GPR179: variants seen among roughly 807,000 people sequenced by gnomAD.
GPR179 encodes G protein-coupled receptor 179.
GPR179 carries 52 observed loss-of-function variants against 70.8 expected under a neutral mutation model. The ratio of observed to expected loss-of-function variants is 0.73; its 90% CI spans 0.59 to 0.93. GPR179 has a LOEUF of 0.93. Ranked by LOEUF, GPR179 falls within the 40% of genes least tolerant of loss-of-function variation. The probability of loss-of-function intolerance (pLI) is 0.00; values close to 1 mark genes in which losing one functional copy is unlikely to be tolerated. For synonymous variants in GPR179, 1,123 were observed against 1,169.0 expected, an observed-to-expected ratio of 0.96 and a Z score of 0.80; for missense variants, 2,734 against 2,966.8, an observed-to-expected ratio of 0.92 and a Z score of 1.82.
In GPR179 at chr17:38,329,141, T is replaced by C; in HGVS notation, c.4428A>G (p.Ala1476=). 1 of 1,614,086 alleles carries C rather than the reference T, an allele frequency of 6.2e-7. No homozygotes were observed. The highest frequency in any genetic ancestry group is 8.5e-7 in the Non-Finnish European group (1 of 1,180,038). ...CATCCAGCTCCCAGGGACAGATCTC[T>C]GCTTTCTGGATAGCAGGAGCATCTC... ...EAGDAPAIQK[A]EICPWELDDN... is the part of the protein sequence containing the mutation. The change falls in exon 11 of 11, where the codon GCA becomes GCG. Residue 1476 remains alanine (A), a synonymous_variant. Transcript: ENST00000616987.
rs766481251 is a variant in GPR179 at position 38,343,033 on chromosome 17, A to G, written c.757T>C (p.Phe253Leu). ...CTGAGGTCTGGCTTGAGTCCATAGA[A>G]GGTGGCAGAGAGTGTGATCAGCCAT... ...PGWLITLSAT[F>L]YGLKPDLSPE... is the part of the protein sequence containing the mutation. The change falls in exon 1 of 11, where the codon TTC becomes CTC. Residue 253 changes from phenylalanine (F) to leucine (L), a missense_variant. By Grantham distance (22) the Phe-to-Leu change is conservative. Transcript: ENST00000616987. This position sits in a 1 kb window ranked among gnomAD's most constrained non-coding sequence, Gnocchi z 4.2. The G allele has an allele frequency of 4.3e-6, 7 of 1,613,012 alleles. No homozygotes were observed. In the Admixed American group the frequency reaches 1.2e-4, roughly 27 times the overall value.
chr17:38,332,956 A>G (rs967866977), intron 10 of GPR179, among the ~76,000 whole-genome samples: 18 of 152,214 alleles, frequency 1.2e-4, no homozygotes, highest in African/African-American at 4.3e-4. Flanking sequence ...CTGCTGAGTG[A>G]GAGTGGAGGA....
intron 3 of GPR179, 147 bp from the exon 4 acceptor site, chr17:38,337,360 G>C (rs2037414702): frequency 1.7e-6 from 2 of 1,175,142 alleles, no homozygotes; most frequent in African/African-American, 3.1e-5. Context: ...TGCTTCCTTG[G>C]GAGGGCAAAG....
intron 1 of GPR179, among the ~76,000 whole-genome samples, chr17:38,341,472 G>A (rs2144279340): frequency 6.6e-6 from 1 of 152,380 alleles, no homozygotes; most frequent in South Asian, 2.1e-4. Flanking sequence ...ACCTGGCACT[G>A]CCTGGACCAG....
Position 38,326,438 on chromosome 17 carries a change from T to C in GPR179, c.*27A>G. 2.6e-6 allele frequency: 4 copies of C among 1,525,614 alleles called. No homozygotes were observed. Among genetic ancestry groups the C allele is most frequent in the Admixed American group, 1.9e-5 (1 of 51,924 alleles). 94.5% of individuals were successfully genotyped at this position (1,525,614 alleles called of 1,614,324 possible). A position where few individuals can be genotyped will look rare whatever the true frequency, so the allele number is the denominator to read the frequency against. ...GGCCTTGGCTCCTGAAAGCTAGCTC[T>C]GTGTTTGACCTCACCTAATAAGGCT... is the stretch of plus-strand genomic sequence containing the variant. On this transcript the variant is annotated 3_prime_UTR_variant, in exon 11 of 11. Coordinates refer to ENST00000616987, the MANE Select transcript of GPR179 (RefSeq NM_001004334.4).
chr17:38,330,870 G>C lies in GPR179; in HGVS notation c.2699C>G (p.Ser900Ter). 1 of 1,601,236 alleles carries C rather than the reference G, an allele frequency of 6.2e-7. No individual in the cohort carries two copies. ...GCTCTTGGCAGGGGAAGGTGGAGCT[G>C]ACAGGGGGGCCCCTCGAGGCCGCTC... ...RLERPRGAPLSAPPSPAKSSS... is the reference protein window; with the variant it reads ...RLERPRGAPL The change falls in exon 11 of 11, where the codon TCA becomes TGA. Residue 900 changes from serine (S) to a stop codon, truncating the protein, a stop_gained. Transcript: ENST00000616987. LOFTEE classifies it low-confidence loss of function (END_TRUNC).
Position 38,330,348 on chromosome 17 carries a change from C to A in GPR179, c.3221G>T (p.Ser1074Ile), listed in dbSNP as rs753511408. The change falls in exon 11 of 11, where the codon AGC (serine) becomes ATC (isoleucine). Residue 1074 changes from serine (S) to isoleucine (I), a missense_variant. By Grantham distance (142) the Ser-to-Ile change is moderately radical (BLOSUM62 -2). Transcript: ENST00000616987. The stretch of plus-strand genomic sequence containing the variant: ...ACCCTGCTGAACAGGGGCCTTGAGG[C>A]TGTGGGATTTAGGGAAGATCTTGGG... ...DRPKIFPKSH[S>I]LKAPVQQGSM... 6.2e-7 allele frequency: 1 copy of A among 1,613,998 alleles called. No individual in the cohort carries two copies. Among genetic ancestry groups the A allele is most frequent in the Admixed American group, 1.7e-5 (1 of 59,994 alleles).
chr17:38,343,678 G>C lies in GPR179; in HGVS notation c.112C>G (p.Leu38Val), dbSNP rs2037472377. The C allele has an allele frequency of 6.2e-7, 1 of 1,610,700 alleles. No homozygotes were observed. Among genetic ancestry groups the C allele is most frequent in the Non-Finnish European group, 8.5e-7 (1 of 1,177,756 alleles). Reference sequence around the variant, plus strand: ...GATCCTGGCTTGACTTGGGAAGACAGAGGGGGCAGAGAGCGGATGGGCCGT... The same window carrying C: ...GATCCTGGCTTGACTTGGGAAGACACAGGGGGCAGAGAGCGGATGGGCCGT... The part of the protein sequence containing the change: ...GPRPIRSLPP[L>V]SSQVKPGSVP... The change falls in exon 1 of 11, where the codon CTG becomes GTG. Residue 38 changes from leucine to valine, a missense_variant. Transcript: ENST00000616987. This position sits in a 1 kb window ranked among gnomAD's most constrained non-coding sequence, Gnocchi z 4.2.
In GPR179 at chr17:38,326,553, G is replaced by A. The variant is rs180920570; in HGVS notation, c.7016C>T (p.Ser2339Phe). The change falls in exon 11 of 11, where the codon TCC becomes TTC. Residue 2339 changes from serine to phenylalanine, a missense_variant. By Grantham distance (155) the Ser-to-Phe change is radical. Coordinates refer to ENST00000616987, the MANE Select transcript of GPR179 (RefSeq NM_001004334.4). ...CACTTGGCCTGAGTCTTCAGTTAAG[G>A]ACGAAGACTGAGACTCAGCTTCCTG... ...SLQEAESQSSSLTEDSGQVAF... is the reference protein window; with the variant it reads ...SLQEAESQSSFLTEDSGQVAF... 8.7e-6 allele frequency: 14 copies of A among 1,614,122 alleles called. No individual in the cohort carries two copies. The Admixed American group carries it at 2.2e-4, about 25-fold the overall frequency.
intron 2 of GPR179, among the ~76,000 whole-genome samples, chr17:38,338,830 C>T (rs1363627485): frequency 6.6e-6 from 1 of 152,254 alleles, no homozygotes; most frequent in East Asian, 1.9e-4. Flanking sequence ...CCAGCCAGTG[C>T]TCTCCATCAC....
At chr17:38,335,546 G>T in intron 6 of GPR179, 45 bp downstream of exon 6, 1 of 1,362,840 alleles carries the variant, frequency 7.3e-7, no homozygotes, top group Non-Finnish European at 1.1e-6. Context: ...AGCTGGGGTG[G>T]TCTGGGATGA....
At chr17:38,338,781 C>T (rs2037426965) in intron 2 of GPR179, among the ~76,000 whole-genome samples, 1 of 152,262 alleles carries the variant, frequency 6.6e-6, no homozygotes, top group African/African-American at 2.4e-5. Context: ...GGTGAATTCA[C>T]TGGCCTCCCA....
rs780478953 is a variant in GPR179, at chr17:38,328,464, G to T, written c.5105C>A (p.Ala1702Glu). Residue 1702 changes from alanine (A) to glutamate (E), a missense_variant, in exon 11 of 11, where the codon GCA becomes GAA. Physicochemically the swap from Ala to Glu is moderately radical, Grantham distance 107 (BLOSUM62 -1). Coordinates refer to ENST00000616987, the MANE Select transcript of GPR179 (RefSeq NM_001004334.4). ...DVEENLTAGKAEICPWEVGAG... is the reference protein window; with the variant it reads ...DVEENLTAGKEEICPWEVGAG... ...ACCCACCTCCCAGGGACAGATTTCT[G>T]CCTTCCCAGCAGTCAAGTTTTCCTC... 8 of 1,614,092 alleles carry T rather than the reference G, an allele frequency of 5.0e-6. No individual in the cohort carries two copies. Among genetic ancestry groups the T allele is most frequent in the Non-Finnish European group, 6.8e-6 (8 of 1,180,018 alleles).
rs113125028 is a variant in GPR179 at position 38,329,649 on chromosome 17, C to T, written c.3920G>A (p.Arg1307Gln). ...SEPIDVVPMM[R>Q]KKPERLVREQ... ...CCTCACCAGCCTCTCTGGCTTTTTC[C>T]GCATCATGGGAACCACATCTATGGG... Residue 1307 changes from arginine (R) to glutamine (Q), a missense_variant, in exon 11 of 11, where the codon CGG becomes CAG. Physicochemically the swap from Arg to Gln is conservative, Grantham distance 43. Coordinates refer to ENST00000616987, the MANE Select transcript of GPR179 (RefSeq NM_001004334.4). 7.0e-4 allele frequency: 1,125 copies of T among 1,614,154 alleles called. 8 individuals carry two copies. In the African/African-American group the frequency reaches 0.011, roughly 15 times the overall value.
At position 38,337,045 on chromosome 17, in the gene GPR179, C is replaced by A. The variant is rs777594501; in HGVS notation, c.1160G>T (p.Cys387Phe). The A allele has an allele frequency of 6.2e-7, 1 of 1,608,972 alleles. No homozygotes were observed. The highest frequency in any genetic ancestry group is 1.7e-5 in the Admixed American group (1 of 59,280). ...GATGGCCAGCATGCAGCAGGCCTGG[C>A]AGGCCAGCACAGCGGCCCGCAGCAC... ...AAVLRAAVLA[C>F]QACCMLAIFL... Residue 387 changes from cysteine (C) to phenylalanine (F), a missense_variant, in exon 4 of 11, where the codon TGC becomes TTC. Physicochemically the swap from Cys to Phe is radical, Grantham distance 205. Transcript: ENST00000616987.
At chr17:38,335,509 G>T in intron 6 of GPR179, 82 bp downstream of exon 6, 1 of 1,048,638 alleles carries the variant, frequency 9.5e-7, no homozygotes, top group Non-Finnish European at 1.5e-6. Flanking sequence ...CAAGGGTCTG[G>T]CTTTGAAAAA....
rs1300962768 is a variant in GPR179, at chr17:38,329,967, G to GC, written c.3601dup (p.Ala1201GlyfsTer37). 2.4e-5 allele frequency: 39 copies of GC among 1,614,062 alleles called. No individual in the cohort carries two copies. The highest frequency in any genetic ancestry group is 3.3e-5 in the Non-Finnish European group (39 of 1,180,044). ...GTCCCTGGAAACTTGCCTCAGCATGGCAAGCCCTGTTTTACCTGCTCTCTC... is the reference window on the plus strand; with the variant it reads ...GTCCCTGGAAACTTGCCTCAGCATGGCCAAGCCCTGTTTTACCTGCTCTCTC... On this transcript the variant is annotated frameshift_variant, in exon 11 of 11. Transcript: ENST00000616987. LOFTEE classifies it low-confidence loss of function (END_TRUNC).
In GPR179 at chr17:38,328,736, T is replaced by G; in HGVS notation, c.4833A>C (p.Pro1611=). The change falls in exon 11 of 11, where the codon CCA becomes CCC. Residue 1611 remains proline (P), a synonymous_variant. Transcript: ENST00000616987. Reference sequence around the variant, plus strand: ...TGTCCTTTTGAGATTCTCCTCCTCTTGGCACCTGTGCTGATGTCCATTCCT... The same window carrying G: ...TGTCCTTTTGAGATTCTCCTCCTCTGGGCACCTGTGCTGATGTCCATTCCT... The part of the protein sequence containing the change: ...TREEWTSAQV[P]RGGESQKDKE... 1 of 1,613,612 alleles carries G rather than the reference T, an allele frequency of 6.2e-7. No homozygotes were observed. Among genetic ancestry groups the G allele is most frequent in the Non-Finnish European group, 8.5e-7 (1 of 1,179,864 alleles).
chr17:38,330,748 TG>T lies in GPR179; in HGVS notation c.2820del (p.Ile941SerfsTer28). ...HPPIRHQVST[P>X]ILALSGGLGE... Reference sequence around the variant, plus strand: ...CCCAGGCCCCCAGACAGGGCCAAGATGGGGGTAGAAACCTGGTGCCTGATGG... The same window carrying T: ...CCCAGGCCCCCAGACAGGGCCAAGATGGGGTAGAAACCTGGTGCCTGATGG... On this transcript the variant is annotated frameshift_variant, in exon 11 of 11. Transcript: ENST00000616987. LOFTEE classifies it low-confidence loss of function (END_TRUNC). The T allele has an allele frequency of 6.3e-7, 1 of 1,588,898 alleles. No individual in the cohort carries two copies. The highest frequency in any genetic ancestry group is 8.6e-7 in the Non-Finnish European group (1 of 1,165,254).
Sources: allele counts gnomAD v4.1 joint callset (sites outside exome capture counted in the v4.1 genomes callset), GRCh38; gene constraint gnomAD v4.1.1; non-coding constraint Gnocchi (gnomAD v3.1); transcripts MANE v1.5; gene names NCBI Gene and HGNC (gene_info 2026-07-23, HGNC 2026-07-21).